The following KAT6B variants were observed in gnomAD, a reference collection of about 807,000 sequenced individuals.
The protein encoded by KAT6B is histone acetyltransferase KAT6B.
Under a neutral mutation model 187.5 loss-of-function variants are expected in KAT6B, and 10 were observed. The ratio of observed to expected loss-of-function variants is 0.05; its 90% confidence interval spans 0.03 to 0.09. The LOEUF is 0.09. Among genes scored for constraint, KAT6B ranks in the 10% least tolerant of loss-of-function variants. The pLI is 1.00. For synonymous variants in KAT6B, 861 were observed against 926.8 expected (o/e 0.93, Z 1.29); for missense variants, 1,952 against 2,558.9 (o/e 0.76, Z 5.12).
chr10:75,001,072 T>C (rs1196842435), intron 13 of KAT6B, among the ~76,000 whole-genome samples: 2 of 152,054 alleles, frequency 1.3e-5, no homozygotes, highest in South Asian at 2.1e-4. Context: ...CCCACACACA[T>C]ATACAGCCAA....
chr10:75,016,514 A>G (rs924609241), intron 13 of KAT6B, among the ~76,000 whole-genome samples: 3 of 152,186 alleles, frequency 2.0e-5, no homozygotes, highest in Non-Finnish European at 4.4e-5. Context: ...TACGATCAAG[A>G]TAGTTGATGT....
intron 2 of KAT6B, among the ~76,000 whole-genome samples, chr10:74,841,282 T>A (rs1450745780): frequency 2.0e-5 from 3 of 152,106 alleles, no homozygotes; most frequent in Non-Finnish European, 4.4e-5. Context: ...TTAGTTGGAT[T>A]TTAGAATTGG....
In KAT6B at chr10:75,031,385, ATC is replaced by A. The variant is rs1846311017; in HGVS notation, c.*341_*342del. On this transcript the variant is annotated 3_prime_UTR_variant, in exon 18 of 18. Transcript: ENST00000287239. ...TGTGGATATCAAGCCCCCCCAAATTATCTGTTTTAATATTGAACCTAGAGCTT... is the reference window on the plus strand; with the variant it reads ...TGTGGATATCAAGCCCCCCCAAATTATGTTTTAATATTGAACCTAGAGCTT... 4 of 402,786 alleles carry A rather than the reference ATC, an allele frequency of 9.9e-6. No homozygotes were observed. Among genetic ancestry groups the A allele is most frequent in the African/African-American group, 2.0e-5 (1 of 50,284 alleles). The allele number at this position is 402,786 out of a possible 1,614,324, so 25.0% of individuals were successfully genotyped here. A position where few individuals can be genotyped will look rare whatever the true frequency, so the allele number is the denominator to read the frequency against.
intron 3 of KAT6B, among the ~76,000 whole-genome samples, chr10:74,848,933 A>G (rs79474038): frequency 0.022 from 3,330 of 152,318 alleles, 48 homozygotes; most frequent in Non-Finnish European, 0.034. Flanking sequence ...AATTTATGAT[A>G]TAAGTGAAAA....
At chr10:74,920,064 GGT>G (rs887854738) in intron 3 of KAT6B, among the ~76,000 whole-genome samples, 6 of 152,210 alleles carry the variant, frequency 3.9e-5, no homozygotes, top group African/African-American at 1.4e-4. Flanking sequence ...TCTGACTCAT[GGT>G]GTTTGTTTTT....
intron 3 of KAT6B, among the ~76,000 whole-genome samples, chr10:74,875,936 C>T (rs1464330543): frequency 1.3e-5 from 2 of 152,154 alleles, no homozygotes; most frequent in African/African-American, 4.8e-5. Flanking sequence ...TCTTTTCATT[C>T]CCAGGAGGAA....
chr10:74,933,611 G>C (rs1849033164), intron 3 of KAT6B, among the ~76,000 whole-genome samples: 1 of 152,166 alleles, frequency 6.6e-6, no homozygotes, highest in African/African-American at 2.4e-5. Context: ...AGTGAGAAAG[G>C]CTGTTAGGAA....
chr10:74,836,595 G>C (rs575215494), intron 1 of KAT6B, among the ~76,000 whole-genome samples: 2 of 152,306 alleles, frequency 1.3e-5, no homozygotes, highest in Non-Finnish European at 2.9e-5. Flanking sequence ...AGAGGAAATA[G>C]ATGCATCCAG....
chr10:74,969,629 C>G (rs1391016507), intron 4 of KAT6B, 31 bp from the exon 5 acceptor site: 4 of 1,311,208 alleles, frequency 3.1e-6, no homozygotes, highest in South Asian at 2.4e-5. Context: ...GGCACCATTC[C>G]CATCAAGCAA....
chr10:74,898,869 G>A (rs914471295), intron 3 of KAT6B, among the ~76,000 whole-genome samples: 1 of 151,872 alleles, frequency 6.6e-6, no homozygotes, highest in Non-Finnish European at 1.5e-5. Context: ...AGAATCAACC[G>A]GCTGGGCACG....
chr10:74,924,851 G>A (rs189141179), intron 3 of KAT6B, among the ~76,000 whole-genome samples: 174 of 152,020 alleles, frequency 1.1e-3, no homozygotes, highest in Middle Eastern at 0.01. Context: ...CCTACTGCTC[G>A]GTGATGAAAT....
intron 10 of KAT6B, among the ~76,000 whole-genome samples, chr10:74,979,545 A>G (rs1842377766): frequency 6.6e-6 from 1 of 151,872 alleles, no homozygotes; most frequent in African/African-American, 2.4e-5. Flanking sequence ...CCTTAGTTAC[A>G]TGGGCATTAT....
chr10:74,826,616 C>A lies in KAT6B; in HGVS notation c.-498C>A. 6.5e-6 allele frequency: 1 copy of A among 153,328 alleles called. No individual in the cohort carries two copies. Among genetic ancestry groups the A allele is most frequent in the South Asian group, 1.8e-4 (1 of 5,432 alleles). The allele number at this position is 153,328 out of a possible 1,614,324, so 9.5% of individuals were successfully genotyped here. ...GCTGTAATCAGTGTCATGTCGGATT[C>A]ATGTCAACGACAACAACAGGGGGAC... On this transcript the variant is annotated 5_prime_UTR_variant, in exon 1 of 18. It introduces an in-frame stop codon into an upstream open reading frame of the 5' UTR. Transcript: ENST00000287239.
chr10:74,898,835 A>G (rs1013948331), intron 3 of KAT6B, among the ~76,000 whole-genome samples: 9 of 151,814 alleles, frequency 5.9e-5, no homozygotes, highest in African/African-American at 1.9e-4. Context: ...TTTGAGTTTC[A>G]TCTCCCAAAT....
chr10:74,964,672 C>T (rs374068081), intron 4 of KAT6B, among the ~76,000 whole-genome samples: 7 of 152,180 alleles, frequency 4.6e-5, no homozygotes, highest in South Asian at 2.1e-4. Context: ...CAACCTTGCA[C>T]TGCTTCCTCC....
At chr10:74,848,303 G>C (rs1842247206) in intron 3 of KAT6B, among the ~76,000 whole-genome samples, 1 of 152,182 alleles carries the variant, frequency 6.6e-6, no homozygotes, top group Non-Finnish European at 1.5e-5. Flanking sequence ...GAATGGCTTT[G>C]AATGCAGCCC....
At chr10:74,898,352 A>G (rs1264685897) in intron 3 of KAT6B, among the ~76,000 whole-genome samples, 1 of 152,074 alleles carries the variant, frequency 6.6e-6, no homozygotes, top group Non-Finnish European at 1.5e-5. Flanking sequence ...TTAGAAGATG[A>G]CTAAGATCAT....
At chr10:74,830,495 G>A (rs576331672) in intron 1 of KAT6B, among the ~76,000 whole-genome samples, 1 of 151,828 alleles carries the variant, frequency 6.6e-6, no homozygotes, top group East Asian at 1.9e-4. Context: ...GTTTTCAAAA[G>A]TATCTAGGGT....
At chr10:74,928,182 A>G (rs1848632350) in intron 3 of KAT6B, among the ~76,000 whole-genome samples, 1 of 152,250 alleles carries the variant, frequency 6.6e-6, no homozygotes, top group Non-Finnish European at 1.5e-5. Context: ...ATATTTGAGT[A>G]AAGTAAGTAT....
Sources: gnomAD v4.1 joint callset for allele counts (sites outside exome capture counted in the v4.1 genomes callset) on GRCh38, gnomAD v4.1.1 for gene constraint, MANE v1.5 for transcripts, NCBI Gene and HGNC (gene_info 2026-07-23, HGNC 2026-07-21) for gene names.